Variants in CA10 observed in about 807,000 individuals in gnomAD.
CA10 encodes the protein carbonic anhydrase-related protein 10.
CA10 carries 14 observed loss-of-function variants against 44.2 expected under a neutral mutation model. The ratio of observed to expected loss-of-function variants is 0.32; its 90% confidence interval spans 0.21 to 0.50. The LOEUF is 0.50. Among genes scored for constraint, CA10 ranks in the 20% least tolerant of loss-of-function variants. CA10 has a pLI of 0.99. For missense variants in CA10, 350 were observed against 409.7 expected (o/e 0.85, Z 1.26); for synonymous variants, 159 against 141.6 (o/e 1.12, Z -0.87).
chr17:51,696,969 T>C (rs1915423733), intron 4 of CA10, among the ~76,000 whole-genome samples: 1 of 152,200 alleles, frequency 6.6e-6, no homozygotes, highest in South Asian at 2.1e-4. Context: ...TATATACATC[T>C]GTGTCTATGT....
intron 2 of CA10, among the ~76,000 whole-genome samples, chr17:52,004,914 G>T (rs1324295512): frequency 6.6e-6 from 1 of 151,854 alleles, no homozygotes; most frequent in East Asian, 1.9e-4. Flanking sequence ...TTTGCTAATT[G>T]TTCTCAGACA....
intron 2 of CA10, among the ~76,000 whole-genome samples, chr17:52,054,422 G>C (rs1315143200): frequency 6.6e-6 from 1 of 152,068 alleles, no homozygotes; most frequent in African/African-American, 2.4e-5. Context: ...CAATGACAAT[G>C]CGTGCCCGAA....
At chr17:51,843,635 G>A (rs964860450) in intron 3 of CA10, among the ~76,000 whole-genome samples, 13 of 151,532 alleles carry the variant, frequency 8.6e-5, no homozygotes, top group Admixed American at 2.0e-4. Context: ...TAGTAATAGT[G>A]TCTAATTATA....
intron 1 of CA10, among the ~76,000 whole-genome samples, chr17:52,077,982 C>T (rs1987860991): frequency 6.6e-6 from 1 of 152,164 alleles, no homozygotes; most frequent in Admixed American, 6.5e-5. Context: ...TGCCAACCAA[C>T]TTAAAAAATT....
intron 4 of CA10, among the ~76,000 whole-genome samples, chr17:51,693,444 G>A (rs1915288196): frequency 6.6e-6 from 1 of 152,104 alleles, no homozygotes; most frequent in African/African-American, 2.4e-5. Context: ...CCATCACCAA[G>A]GTACTGAGCA....
chr17:51,658,283 G>GAGGTCAATTGGAATAAGACTGAGA (rs1274328632), intron 4 of CA10, among the ~76,000 whole-genome samples: 3 of 152,220 alleles, frequency 2.0e-5, no homozygotes, highest in Admixed American at 2.0e-4. Context: ...ACTATGTGCT[G>GAGGTCAATTGGAATAAGACTGAGA]AGGTCAATTG....
At chr17:51,961,824 C>T (rs1008947647) in intron 2 of CA10, among the ~76,000 whole-genome samples, 8 of 152,192 alleles carry the variant, frequency 5.3e-5, no homozygotes, top group Non-Finnish European at 7.3e-5. Flanking sequence ...TCTGGTGCAG[C>T]GATGCCCTCT....
At chr17:51,693,461 C>T (rs766065893) in intron 4 of CA10, among the ~76,000 whole-genome samples, 7 of 152,028 alleles carry the variant, frequency 4.6e-5, no homozygotes, top group Non-Finnish European at 7.4e-5. Context: ...AGCATAGCAC[C>T]CAATAGTTTT....
intron 2 of CA10, among the ~76,000 whole-genome samples, chr17:52,047,825 T>G (rs1428918907): frequency 6.6e-6 from 1 of 151,904 alleles, no homozygotes; most frequent in Non-Finnish European, 1.5e-5. Flanking sequence ...ATTAGAAAAC[T>G]CAGAATATCT....
chr17:52,156,727 C>T (rs1238123063), intron 1 of CA10, among the ~76,000 whole-genome samples: 1 of 152,158 alleles, frequency 6.6e-6, no homozygotes, highest in East Asian at 1.9e-4. Flanking sequence ...GGAAGTTGGC[C>T]GAGTCCCCAC....
At chr17:51,689,647 A>G (rs1915120502) in intron 4 of CA10, among the ~76,000 whole-genome samples, 1 of 152,226 alleles carries the variant, frequency 6.6e-6, no homozygotes, top group East Asian at 1.9e-4. Context: ...ATTGCCAGTG[A>G]CAATTTCCAG....
rs986624414 is a variant in CA10 at position 51,732,839 on chromosome 17, C to T, written c.465+14794G>A. 2.6e-4 allele frequency among the ~76,000 whole-genome samples: 40 copies of T among 151,712 alleles called. 1 individual carries two copies. The highest frequency in any genetic ancestry group is 1.5e-4 in the Non-Finnish European group (10 of 67,998). On this transcript the variant is annotated intron_variant, in intron 4 of 8. Transcript: ENST00000451037. Reference sequence around the variant, plus strand: ...TGGGACCATTTCTGCCCTCTATATACACAGAAAATAAAAAATAAAAAAAAG... The same window carrying T: ...TGGGACCATTTCTGCCCTCTATATATACAGAAAATAAAAAATAAAAAAAAG...
chr17:51,700,217 C>T lies in CA10; in HGVS notation c.466-46481G>A, dbSNP rs192488402. On this transcript the variant is annotated intron_variant, in intron 4 of 8. Coordinates refer to ENST00000451037, the MANE Select transcript of CA10 (RefSeq NM_020178.5). ...GTCTTAGCCGGGTTGCTGCAGTGGC[C>T]GCCTAACAGGTCTCACTGCTGTCTT... Among the ~76,000 whole-genome samples, 468 of 152,274 alleles carry T rather than the reference C, an allele frequency of 3.1e-3. 4 individuals are homozygous for T. Among genetic ancestry groups the T allele is most frequent in the African/African-American group, 0.01 (434 of 41,542 alleles).
chr17:51,662,741 G>C (rs1914053137), intron 4 of CA10, among the ~76,000 whole-genome samples: 1 of 152,118 alleles, frequency 6.6e-6, no homozygotes, highest in Non-Finnish European at 1.5e-5. Context: ...TGTAGGCTAT[G>C]GAATGCAATT....
At chr17:52,029,598 A>G (rs11079989) in intron 2 of CA10, among the ~76,000 whole-genome samples, 57,253 of 151,960 alleles carry the variant, frequency 0.38, 12,812 homozygotes, top group East Asian at 0.73. Context: ...TCTGTAAAAC[A>G]CCAAAGATTG....
At chr17:51,925,064 C>G (rs976337033) in intron 3 of CA10, among the ~76,000 whole-genome samples, 3 of 152,076 alleles carry the variant, frequency 2.0e-5, no homozygotes, top group Non-Finnish European at 2.9e-5. Flanking sequence ...TTCTCTGTCT[C>G]TCTTTTTAAA....
In CA10 at chr17:51,631,451, A is replaced by T; in HGVS notation, c.*133T>A. 2.3e-6 allele frequency: 2 copies of T among 851,922 alleles called. No homozygotes were observed. Among genetic ancestry groups the T allele is most frequent in the Non-Finnish European group, 4.0e-6 (2 of 505,292 alleles). The allele number at this position is 851,922 out of a possible 1,614,324, so 52.8% of individuals were successfully genotyped here. A position where few individuals can be genotyped will look rare whatever the true frequency, so the allele number is the denominator to read the frequency against. Reference sequence around the variant, plus strand: ...GGTTTTGCAGACACTTTTCATGAAGAAAGGGCCAATCCCAAGAATGAATGA... The same window carrying T: ...GGTTTTGCAGACACTTTTCATGAAGTAAGGGCCAATCCCAAGAATGAATGA... On this transcript the variant is annotated 3_prime_UTR_variant, in exon 9 of 9. Coordinates refer to ENST00000451037, the MANE Select transcript of CA10 (RefSeq NM_020178.5).
At chr17:51,640,042 C>T (rs1913017668) in intron 6 of CA10, among the ~76,000 whole-genome samples, 1 of 152,202 alleles carries the variant, frequency 6.6e-6, no homozygotes. Context: ...GGCCAGTGCC[C>T]TCCTTTTTTG....
chr17:52,110,181 C>T (rs1013819698), intron 1 of CA10, among the ~76,000 whole-genome samples: 11 of 152,204 alleles, frequency 7.2e-5, no homozygotes, highest in Non-Finnish European at 1.5e-4. Flanking sequence ...GCTAGCTCTC[C>T]CTCCCCTGGA....
Sources: allele counts gnomAD v4.1 joint callset (sites outside exome capture counted in the v4.1 genomes callset), GRCh38; gene constraint gnomAD v4.1.1; transcripts MANE v1.5; gene names NCBI Gene and HGNC (gene_info 2026-07-23, HGNC 2026-07-21).